Variants in EXOC6B observed in about 807,000 individuals in gnomAD.
EXOC6B encodes SEC15 homolog B.
In EXOC6B, 54 loss-of-function variants were observed where a neutral mutation model predicts 113.5. That is an observed-to-expected ratio of 0.48 (90% confidence interval 0.38 to 0.60). The LOEUF (loss-of-function observed/expected upper bound fraction) is 0.60. EXOC6B is among the 20% of genes least tolerant of loss of function. The pLI is 0.00. For missense variants in EXOC6B, 797 were observed against 977.5 expected (o/e 0.82, Z 2.46); for synonymous variants, 357 against 339.0 (o/e 1.05, Z -0.58).
intron 18 of EXOC6B, among the ~76,000 whole-genome samples, chr2:72,445,775 G>A (rs2105345528): frequency 6.6e-6 from 1 of 152,272 alleles, no homozygotes; most frequent in African/African-American, 2.4e-5. Context: ...AATTCAAGAT[G>A]AGATTTGGGT....
intron 6 of EXOC6B, among the ~76,000 whole-genome samples, chr2:72,581,037 G>A (rs941349837): frequency 1.3e-5 from 2 of 152,096 alleles, no homozygotes; most frequent in Non-Finnish European, 2.9e-5. Flanking sequence ...TATCAACTCC[G>A]CAGGCTAAGA....
intron 7 of EXOC6B, among the ~76,000 whole-genome samples, chr2:72,560,261 G>T (rs185995423): frequency 1.3e-5 from 2 of 150,908 alleles, no homozygotes; most frequent in Admixed American, 1.3e-4. Context: ...ATTTGGTCTC[G>T]ACTACCTAAG....
chr2:72,274,290 G>C (rs911515171), intron 20 of EXOC6B, among the ~76,000 whole-genome samples: 1 of 152,176 alleles, frequency 6.6e-6, no homozygotes, highest in Non-Finnish European at 1.5e-5. Flanking sequence ...AAATGGGACT[G>C]TAAAGTCAAT....
intron 20 of EXOC6B, among the ~76,000 whole-genome samples, chr2:72,278,437 G>T (rs1004873289): frequency 6.6e-6 from 1 of 152,118 alleles, no homozygotes; most frequent in East Asian, 1.9e-4. Flanking sequence ...CTTTTCCCTT[G>T]TCTGACATTC....
At chr2:72,434,548 G>A (rs1217797262) in intron 18 of EXOC6B, among the ~76,000 whole-genome samples, 1 of 151,592 alleles carries the variant, frequency 6.6e-6, no homozygotes, top group East Asian at 1.9e-4. Context: ...ACTTTTTTTG[G>A]GTGGTAGGCT....
intron 19 of EXOC6B, among the ~76,000 whole-genome samples, chr2:72,348,634 A>G (rs144833367): frequency 2.8e-4 from 43 of 152,310 alleles, no homozygotes; most frequent in African/African-American, 9.9e-4. Context: ...TGATCAGCAT[A>G]TAAGTTTCAG....
chr2:72,667,365 T>C (rs112875974), intron 6 of EXOC6B, among the ~76,000 whole-genome samples: 2,990 of 152,204 alleles, frequency 0.02, 90 homozygotes, highest in African/African-American at 0.065. Flanking sequence ...CAAATAATTA[T>C]AAAAACCTAT....
chr2:72,647,478 C>A (rs1250840450), intron 6 of EXOC6B, among the ~76,000 whole-genome samples: 1 of 152,148 alleles, frequency 6.6e-6, no homozygotes, highest in African/African-American at 2.4e-5. Flanking sequence ...CCAAGACAAT[C>A]CTAAGCAAAA....
chr2:72,387,712 T>C (rs984901931), intron 18 of EXOC6B, among the ~76,000 whole-genome samples: 3 of 152,148 alleles, frequency 2.0e-5, no homozygotes, highest in African/African-American at 7.2e-5. Context: ...CCTATTTTCA[T>C]CCCTGACATT....
chr2:72,773,141 T>TTTTTA (rs1182849659), intron 1 of EXOC6B, among the ~76,000 whole-genome samples: 2 of 145,378 alleles, frequency 1.4e-5, no homozygotes, highest in African/African-American at 2.6e-5. Context: ...TTTTTTTTTT[T>TTTTTA]TGTGAGACAG....
intron 20 of EXOC6B, among the ~76,000 whole-genome samples, chr2:72,211,211 T>A (rs1020502798): frequency 1.3e-5 from 2 of 152,112 alleles, no homozygotes; most frequent in Non-Finnish European, 2.9e-5. Context: ...TACTGACAGG[T>A]GATCCTAGAA....
At chr2:72,704,594 GA>G (rs1452260981) in intron 6 of EXOC6B, among the ~76,000 whole-genome samples, 1 of 151,676 alleles carries the variant, frequency 6.6e-6, no homozygotes, top group African/African-American at 2.4e-5. Flanking sequence ...GACTAACAAA[GA>G]AAAAAAGAGA....
chr2:72,226,459 A>C (rs901799707), intron 20 of EXOC6B, among the ~76,000 whole-genome samples: 2 of 152,234 alleles, frequency 1.3e-5, no homozygotes, highest in Admixed American at 6.5e-5. Flanking sequence ...AGAGCGAAAA[A>C]GACAAGGCTA....
chr2:72,515,058 T>G lies in EXOC6B; in HGVS notation c.984A>C (p.Gln328His), dbSNP rs200922200. 6.2e-7 allele frequency: 1 copy of G among 1,605,710 alleles called. No individual in the cohort carries two copies. The highest frequency in any genetic ancestry group is 1.3e-5 in the African/African-American group (1 of 74,602). Residue 328 changes from glutamine to histidine, a missense_variant, in exon 9 of 22, where the codon CAA (glutamine) becomes CAC (histidine). Physicochemically the swap from Gln to His is conservative, Grantham distance 24 (BLOSUM62 0). Transcript: ENST00000272427. The part of the protein sequence containing the change: ...QRRKQARLVL[Q>H]PPSNMHETLD... The stretch of plus-strand genomic sequence containing the variant: ...GTAATCCTACCATGTTAGATGGAGG[T>G]TGAAGTACCAAACGAGCCTGTTTTC...
intron 20 of EXOC6B, among the ~76,000 whole-genome samples, chr2:72,236,842 C>T (rs968163535): frequency 2.0e-5 from 3 of 152,096 alleles, no homozygotes; most frequent in Non-Finnish European, 4.4e-5. Context: ...TCTCAGGTGA[C>T]TCCACTGCTC....
At chr2:72,436,963 C>T (rs1390980833) in intron 18 of EXOC6B, among the ~76,000 whole-genome samples, 1 of 152,138 alleles carries the variant, frequency 6.6e-6, no homozygotes, top group Non-Finnish European at 1.5e-5. Flanking sequence ...AACTGTGTTC[C>T]TTTGGAGGAG....
At chr2:72,775,642 G>GA (rs1194738398) in intron 1 of EXOC6B, among the ~76,000 whole-genome samples, 1 of 151,300 alleles carries the variant, frequency 6.6e-6, no homozygotes, top group Non-Finnish European at 1.5e-5. Flanking sequence ...GAGATGCTGA[G>GA]AAAAAGAAAA....
chr2:72,721,388 AT>A (rs1679994863), intron 5 of EXOC6B, among the ~76,000 whole-genome samples: 33 of 138,164 alleles, frequency 2.4e-4, no homozygotes, highest in Admixed American at 3.7e-4. Flanking sequence ...AAAAAAAAAA[AT>A]GAACAAAGAA....
chr2:72,555,700 G>A (rs559703169), intron 8 of EXOC6B, among the ~76,000 whole-genome samples: 10 of 152,292 alleles, frequency 6.6e-5, no homozygotes, highest in African/African-American at 2.4e-4. Flanking sequence ...AGGCTGGAGT[G>A]CAGTAGCATG....
Sources: gnomAD v4.1 joint callset for allele counts (sites outside exome capture counted in the v4.1 genomes callset) on GRCh38, gnomAD v4.1.1 for gene constraint, MANE v1.5 for transcripts, NCBI Gene and HGNC (gene_info 2026-07-23, HGNC 2026-07-21) for gene names.